The following CELF2 variants were observed in gnomAD, a reference collection of about 807,000 sequenced individuals.
The protein encoded by CELF2 is CUGBP Elav-like family member 2.
In CELF2, 8 loss-of-function variants were observed where a neutral mutation model predicts 62.6. The observed-to-expected ratio is 0.13, with a 90% confidence interval of 0.07 to 0.23. CELF2 has a LOEUF of 0.23. Ranked by LOEUF, CELF2 falls within the 10% of genes least tolerant of loss-of-function variation. The pLI is 1.00. For synonymous variants in CELF2, 258 were observed against 250.0 expected (o/e 1.03, Z -0.30); for missense variants, 333 against 671.0 (o/e 0.50, Z 5.56).
chr10:10,680,828 A>G, the CELF2 span, among the ~76,000 whole-genome samples: 1 of 152,198 alleles, frequency 6.6e-6, no homozygotes, highest in Non-Finnish European at 1.5e-5. Context: ...TTAATTGTTT[A>G]CTACGTATAT....
At chr10:10,710,031 T>C in the CELF2 span, among the ~76,000 whole-genome samples, 106,665 of 152,134 alleles carry the variant, frequency 0.7, 37,890 homozygotes, top group South Asian at 0.83. Context: ...CTGGTGGCTC[T>C]TGGATCTGCC....
chr10:10,605,867 T>C, the CELF2 span, among the ~76,000 whole-genome samples: 56 of 152,310 alleles, frequency 3.7e-4, no homozygotes, highest in African/African-American at 1.3e-3. Context: ...TACAATGAGT[T>C]ATTTGGAACT....
In CELF2 at chr10:11,247,364, C is replaced by A. The variant is rs560830878; in HGVS notation, c.355-1789C>A. On this transcript the variant is annotated intron_variant, in intron 3 of 12. Coordinates refer to ENST00000633077, the MANE Select transcript of CELF2 (RefSeq NM_001326342.2). The surrounding 1 kb of genome is among the most constrained non-coding windows in gnomAD (Gnocchi z 5.4). Reference sequence around the variant, plus strand: ...CACCCTTCCACTTCCTGGGTCACTGCGGGGCTGCCCCGTGAGTTTCACATG... The same window carrying A: ...CACCCTTCCACTTCCTGGGTCACTGAGGGGCTGCCCCGTGAGTTTCACATG... 1.4e-4 allele frequency among the ~76,000 whole-genome samples: 22 copies of A among 152,340 alleles called. No homozygotes were observed. Among genetic ancestry groups the A allele is most frequent in the African/African-American group, 5.1e-4 (21 of 41,582 alleles).
chr10:11,310,944 C>A (rs1269860699), intron 9 of CELF2, among the ~76,000 whole-genome samples: 1 of 152,132 alleles, frequency 6.6e-6, no homozygotes, highest in Non-Finnish European at 1.5e-5. Context: ...GAAGGGGTAG[C>A]ATATTGAAGG....
At position 11,280,938 on chromosome 10, in the gene CELF2, C is replaced by T. The variant is rs1459145608; in HGVS notation, c.841+5818C>T. On this transcript the variant is annotated intron_variant, in intron 8 of 12. Transcript: ENST00000633077. The surrounding 1 kb of genome is among the most constrained non-coding windows in gnomAD (Gnocchi z 7.6). The stretch of plus-strand genomic sequence containing the variant: ...GAAGGTAGCTAAGAATGGAGGAGCT[C>T]GGGCTCGCCTGGCTGCTTCTGATGC... 2.0e-5 allele frequency among the ~76,000 whole-genome samples: 3 copies of T among 151,920 alleles called. No individual in the cohort carries two copies. Among genetic ancestry groups the T allele is most frequent in the Admixed American group, 6.5e-5 (1 of 15,272 alleles).
chr10:11,079,584 TCTCA>T (rs1164510639), intron 1 of CELF2, among the ~76,000 whole-genome samples: 6 of 152,292 alleles, frequency 3.9e-5, no homozygotes, highest in Admixed American at 3.3e-4. Flanking sequence ...TGGCATTCAT[TCTCA>T]CTCCTGCCTC....
At chr10:10,527,463 G>C in the CELF2 span, among the ~76,000 whole-genome samples, 1 of 114,710 alleles carries the variant, frequency 8.7e-6, no homozygotes, top group Non-Finnish European at 2.0e-5. Flanking sequence ...AAAAAAAAAA[G>C]TAACCAGGCT....
At chr10:10,849,372 A>C (rs1289668151) in intron 1 of CELF2, among the ~76,000 whole-genome samples, 1 of 152,146 alleles carries the variant, frequency 6.6e-6, no homozygotes, top group East Asian at 1.9e-4. Flanking sequence ...ATGCCACTGC[A>C]CTCCAGACTG....
At chr10:10,554,145 G>A in the CELF2 span, among the ~76,000 whole-genome samples, 2 of 152,062 alleles carry the variant, frequency 1.3e-5, no homozygotes, top group Non-Finnish European at 2.9e-5. Context: ...AGAGTGATAA[G>A]GGGGGAAAGT....
chr10:10,537,405 G>A, the CELF2 span, among the ~76,000 whole-genome samples: 3 of 152,158 alleles, frequency 2.0e-5, no homozygotes, highest in African/African-American at 7.2e-5. Flanking sequence ...TAGGGGATGG[G>A]GGAGTATCCT....
intron 4 of CELF2, among the ~76,000 whole-genome samples, chr10:11,251,797 G>A (rs997611050): frequency 3.3e-5 from 5 of 152,134 alleles, no homozygotes; most frequent in African/African-American, 1.2e-4. Flanking sequence ...CATAATACCC[G>A]GCACGTAGCA....
rs150265282 is a variant in CELF2 at position 11,190,230 on chromosome 10, T to C, written c.271+24548T>C. 4.2e-3 allele frequency among the ~76,000 whole-genome samples: 633 copies of C among 152,330 alleles called. 5 individuals are homozygous for C. Among genetic ancestry groups the C allele is most frequent in the African/African-American group, 0.015 (609 of 41,580 alleles). On this transcript the variant is annotated intron_variant, in intron 2 of 12. Transcript: ENST00000633077. The stretch of plus-strand genomic sequence containing the variant: ...CATGCTCTTAGAAATTTACAGTGCG[T>C]ACACAGTAGGCAATCCATACATGCC...
At chr10:10,856,243 C>A (rs982970239) in intron 1 of CELF2, among the ~76,000 whole-genome samples, 92 of 152,242 alleles carry the variant, frequency 6.0e-4, no homozygotes, top group African/African-American at 2.1e-3. Flanking sequence ...CATTTTCACA[C>A]CGGATCGCGT....
chr10:10,956,434 C>T (rs1347179145), intron 2 of CELF2, among the ~76,000 whole-genome samples: 1 of 152,116 alleles, frequency 6.6e-6, no homozygotes, highest in East Asian at 1.9e-4. Flanking sequence ...GGGTGGAGGC[C>T]ATCAGATGGC....
At chr10:11,326,392 T>G (rs780164711) in intron 12 of CELF2, among the ~76,000 whole-genome samples, 8 of 152,254 alleles carry the variant, frequency 5.3e-5, no homozygotes, top group Non-Finnish European at 1.0e-4. Flanking sequence ...GTGTTCAGGC[T>G]GCTTGCGTGA....
At chr10:11,238,089 C>T (rs1565479668) in intron 3 of CELF2, among the ~76,000 whole-genome samples, 1 of 152,170 alleles carries the variant, frequency 6.6e-6, no homozygotes, top group Non-Finnish European at 1.5e-5. Context: ...ATCTGGAGAA[C>T]ATCTGGAAGA....
chr10:11,331,313 AGTT>A lies in CELF2; in HGVS notation c.*2264_*2266del, dbSNP rs1446408959. 3 of 151,868 alleles carry A rather than the reference AGTT, an allele frequency of 2.0e-5. No homozygotes were observed. Among genetic ancestry groups the A allele is most frequent in the South Asian group, 4.2e-4 (2 of 4,810 alleles). 9.4% of individuals were successfully genotyped at this position (151,868 alleles called of 1,614,324 possible). ...AAAAAAAAAGAATTTCAAAAAAAAAAGTTGTTTGCTTAAAAAAAATTTCATGTG... is the reference window on the plus strand; with the variant it reads ...AAAAAAAAAGAATTTCAAAAAAAAAAGTTTGCTTAAAAAAAATTTCATGTG... On this transcript the variant is annotated 3_prime_UTR_variant, in exon 13 of 13. Coordinates refer to ENST00000633077, the MANE Select transcript of CELF2 (RefSeq NM_001326342.2).
At chr10:10,885,402 G>A (rs527406193) in intron 1 of CELF2, among the ~76,000 whole-genome samples, 143 of 151,822 alleles carry the variant, frequency 9.4e-4, no homozygotes, top group African/African-American at 3.3e-3. Flanking sequence ...TATAAGTGCA[G>A]TTCTAGTCTA....
chr10:10,724,247 TG>T, the CELF2 span, among the ~76,000 whole-genome samples: 1 of 152,214 alleles, frequency 6.6e-6, no homozygotes, highest in Non-Finnish European at 1.5e-5. Context: ...TGGACAAATT[TG>T]GGGTATTCAT....
Sources: gnomAD v4.1 joint callset for allele counts (sites outside exome capture counted in the v4.1 genomes callset) on GRCh38, gnomAD v4.1.1 for gene constraint, Gnocchi (gnomAD v3.1) non-coding constraint, MANE v1.5 for transcripts, NCBI Gene and HGNC (gene_info 2026-07-23, HGNC 2026-07-21) for gene names.